The following MPP7 variants were observed in gnomAD, a reference collection of about 807,000 sequenced individuals.
The protein encoded by MPP7 is MAGUK p55 subfamily member 7.
In MPP7, 60 loss-of-function variants were observed where a neutral mutation model predicts 76.5. That is an observed-to-expected ratio of 0.78 (90% CI 0.64 to 0.97). The LOEUF (loss-of-function observed/expected upper bound fraction) is 0.97, where lower values mean the gene tolerates loss of function less well. Ranked by LOEUF, MPP7 falls within the 50% of genes least tolerant of loss-of-function variation. The pLI, the probability that MPP7 is intolerant of heterozygous loss-of-function variation, is 0.00. For synonymous variants in MPP7, 237 were observed against 244.5 expected (o/e 0.97, Z 0.29); for missense variants, 641 against 694.0 (o/e 0.92, Z 0.86).
chr10:28,161,524 T>C (rs1202852752), intron 3 of MPP7, among the ~76,000 whole-genome samples: 1 of 152,140 alleles, frequency 6.6e-6, no homozygotes. Context: ...TAATCAAATA[T>C]ACCCCTTGGT....
chr10:28,199,735 T>A (rs1837706199), intron 3 of MPP7, among the ~76,000 whole-genome samples: 3 of 151,952 alleles, frequency 2.0e-5, no homozygotes, highest in Non-Finnish European at 4.4e-5. Context: ...GACTCTTGAG[T>A]GGCTAGGACT....
intron 2 of MPP7, among the ~76,000 whole-genome samples, chr10:28,209,469 C>CAAAA (rs34583825): frequency 8.2e-6 from 1 of 122,616 alleles, no homozygotes. Context: ...ATCCTATCTC[C>CAAAA]AAAAAAAAAA....
intron 12 of MPP7, among the ~76,000 whole-genome samples, chr10:28,073,963 T>C (rs1484412480): frequency 6.6e-6 from 1 of 151,982 alleles, no homozygotes; most frequent in Non-Finnish European, 1.5e-5. Context: ...CCCACTTTCA[T>C]GTTCCACAGC....
chr10:28,206,260 G>C (rs1284785332), intron 2 of MPP7, among the ~76,000 whole-genome samples: 1 of 152,078 alleles, frequency 6.6e-6, no homozygotes, highest in African/African-American at 2.4e-5. Flanking sequence ...TGCCCCCAGA[G>C]GTCTTATCAT....
intron 12 of MPP7, among the ~76,000 whole-genome samples, chr10:28,089,157 C>T (rs931318511): frequency 3.3e-5 from 5 of 152,162 alleles, no homozygotes; most frequent in African/African-American, 1.2e-4. Flanking sequence ...AAGTGATCCT[C>T]CCACCCTGGC....
At chr10:28,157,537 C>A (rs1488670911) in intron 3 of MPP7, among the ~76,000 whole-genome samples, 1 of 152,210 alleles carries the variant, frequency 6.6e-6, no homozygotes, top group Non-Finnish European at 1.5e-5. Context: ...CTTATTTAAG[C>A]CCTTTGGTGG....
chr10:28,174,590 A>C (rs576494703), intron 3 of MPP7, among the ~76,000 whole-genome samples: 1 of 152,144 alleles, frequency 6.6e-6, no homozygotes, highest in South Asian at 2.1e-4. Context: ...TTTCTTTATA[A>C]ATTACTCACC....
rs767421625 is a variant in MPP7, at chr10:28,291,771, TG to T, written c.-132+11089del. 1.5e-4 allele frequency among the ~76,000 whole-genome samples: 23 copies of T among 152,188 alleles called. 1 individual carries two copies. The highest frequency in any genetic ancestry group is 6.8e-3 in the Middle Eastern group (2 of 294). On this transcript the variant is annotated intron_variant, in intron 1 of 16. Coordinates refer to ENST00000683449, the MANE Select transcript of MPP7 (RefSeq NM_001318170.2). ...TATAAAATGTGCTTGTGTTTGAAGC[TG>T]TGTTATTACAAAAGAGTCAAAAGTT...
intron 11 of MPP7, among the ~76,000 whole-genome samples, chr10:28,104,941 G>T (rs1336177250): frequency 1.3e-5 from 2 of 151,764 alleles, no homozygotes; most frequent in African/African-American, 2.4e-5. Context: ...AAACACATTG[G>T]TCACATTTCT....
intron 11 of MPP7, among the ~76,000 whole-genome samples, chr10:28,106,451 A>T (rs1256008360): frequency 6.6e-6 from 1 of 152,332 alleles, no homozygotes; most frequent in South Asian, 2.1e-4. Context: ...AAAGTTAATC[A>T]TAAGTTGATT....
At chr10:28,186,696 A>T (rs1837248944) in intron 3 of MPP7, among the ~76,000 whole-genome samples, 5 of 152,218 alleles carry the variant, frequency 3.3e-5, no homozygotes, top group Non-Finnish European at 5.9e-5. Flanking sequence ...ATATCCAAAA[A>T]TAGCACAATC....
chr10:28,223,860 T>G (rs903751896), intron 2 of MPP7, among the ~76,000 whole-genome samples: 2 of 150,722 alleles, frequency 1.3e-5, no homozygotes, highest in African/African-American at 4.9e-5. Flanking sequence ...TCTATTAATG[T>G]CATTGGTCTT....
intron 6 of MPP7, among the ~76,000 whole-genome samples, chr10:28,130,221 C>T (rs1051046188): frequency 6.6e-6 from 1 of 152,044 alleles, no homozygotes; most frequent in African/African-American, 2.4e-5. Context: ...TGCTTCAGAA[C>T]TCATAAACCA....
intron 1 of MPP7, among the ~76,000 whole-genome samples, chr10:28,334,045 G>A (rs746219279): frequency 2.0e-5 from 3 of 151,828 alleles, no homozygotes; most frequent in Non-Finnish European, 4.4e-5. Flanking sequence ...CAAAAAATAC[G>A]AAAAAATTAG....
intron 1 of MPP7, among the ~76,000 whole-genome samples, chr10:28,259,452 C>T (rs926089328): frequency 5.3e-5 from 8 of 151,924 alleles, no homozygotes; most frequent in East Asian, 3.9e-4. Context: ...TCATGGTGCA[C>T]GCCTGTAGTC....
chr10:28,134,405 CCA>C (rs1429078569), intron 5 of MPP7, among the ~76,000 whole-genome samples: 1 of 151,906 alleles, frequency 6.6e-6, no homozygotes, highest in Non-Finnish European at 1.5e-5. Flanking sequence ...TATGCTGGAC[CCA>C]GTCTTTATCA....
chr10:28,212,374 A>G (rs958387047), intron 2 of MPP7, among the ~76,000 whole-genome samples: 3 of 152,176 alleles, frequency 2.0e-5, no homozygotes, highest in Non-Finnish European at 4.4e-5. Context: ...GGGAAAAAAA[A>G]TCAAACATAA....
At chr10:28,334,279 AAC>A (rs1834496494) in intron 1 of MPP7, 1 of 152,214 alleles carries the variant, frequency 6.6e-6, no homozygotes, top group African/African-American at 2.4e-5. Context: ...AAATTCCTAA[AAC>A]AAAGTTTTAG....
intron 1 of MPP7, among the ~76,000 whole-genome samples, chr10:28,332,762 A>G (rs1834483142): frequency 6.6e-6 from 1 of 152,098 alleles, no homozygotes; most frequent in Non-Finnish European, 1.5e-5. Flanking sequence ...CCTGGGCTCA[A>G]GCAATCCTCC....
Sources: gnomAD v4.1 joint callset for allele counts (sites outside exome capture counted in the v4.1 genomes callset) on GRCh38, gnomAD v4.1.1 for gene constraint, MANE v1.5 for transcripts, NCBI Gene and HGNC (gene_info 2026-07-23, HGNC 2026-07-21) for gene names.